Variants in NME9 observed in about 807,000 individuals in gnomAD.
The protein encoded by NME9 is thioredoxin domain-containing protein 6.
NME9 carries 48 observed loss-of-function variants against 44.4 expected under a neutral mutation model. That is an observed-to-expected ratio of 1.08 (90% CI 0.86 to 1.37). NME9 has a LOEUF of 1.37. NME9 is among the 40% of genes most tolerant of loss of function. The probability of loss-of-function intolerance (pLI) is 0.00; values close to 1 mark genes in which losing one functional copy is unlikely to be tolerated. For missense variants in NME9, 325 were observed against 405.2 expected (o/e 0.80, Z 1.70); for synonymous variants, 139 against 147.1 (o/e 0.94, Z 0.40).
rs184897801 is a variant in NME9, at chr3:138,308,853, C to A, written c.461-2373G>T. On this transcript the variant is annotated intron_variant, in intron 6 of 10. Coordinates refer to ENST00000333911, the MANE Select transcript of NME9 (RefSeq NM_001349018.2). ...ACAAAATATTTTATGGTTAAGCTTC[C>A]CAGAGTCTTTCCAATTTATCTAGCA... 2.0e-5 allele frequency among the ~76,000 whole-genome samples: 3 copies of A among 150,952 alleles called. No individual in the cohort carries two copies. In the East Asian group the frequency reaches 5.8e-4, roughly 29 times the overall value.
intron 5 of NME9, 78 bp from the exon 6 acceptor site, chr3:138,314,485 C>A: frequency 2.4e-6 from 2 of 848,246 alleles, no homozygotes; most frequent in Non-Finnish European, 3.8e-6. Context: ...CCTGTAGAAA[C>A]TAAAAAAAGC....
rs2051853249 is a variant in NME9, at chr3:138,301,626, G to A, written c.*14C>T. On this transcript the variant is annotated 3_prime_UTR_variant, in exon 11 of 11. Transcript: ENST00000333911. The stretch of plus-strand genomic sequence containing the variant: ...ACCCCTGGTCACGTGCTCTGGAAGA[G>A]CAGCACAGCCATCTCAATCCACATC... 2.0e-6 allele frequency: 3 copies of A among 1,535,960 alleles called. No homozygotes were observed. Among genetic ancestry groups the A allele is most frequent in the Non-Finnish European group, 2.6e-6 (3 of 1,146,846 alleles).
At chr3:138,296,194 C>T (rs989400260), downstream of NME9, 6 of 303,258 alleles carry the variant, frequency 2.0e-5, no homozygotes, top group Non-Finnish European at 3.7e-5. Flanking sequence ...GCTGCAGCCA[C>T]TTTGTGAGTG....
At chr3:138,267,970 C>T (rs560968482) in intron 8 of NME9, among the ~76,000 whole-genome samples, 4 of 152,064 alleles carry the variant, frequency 2.6e-5, no homozygotes, top group South Asian at 4.2e-4. Context: ...TGGCCAGGCA[C>T]GGTGGTTCAT....
intron 2 of NME9, among the ~76,000 whole-genome samples, chr3:138,319,881 TA>T (rs1223011698): frequency 6.6e-6 from 1 of 152,222 alleles, no homozygotes; most frequent in Non-Finnish European, 1.5e-5. Context: ...GGGTTAGGCC[TA>T]ACACAGGGTG....
intron 8 of NME9, among the ~76,000 whole-genome samples, chr3:138,280,497 C>CT (rs1039909334): frequency 0.022 from 2,349 of 107,084 alleles, 53 homozygotes; most frequent in African/African-American, 0.05. Flanking sequence ...TCTTTTTTTT[C>CT]TTTTTTTTTT....
In NME9 at chr3:138,301,544, A is replaced by C. The variant is rs1451234519; in HGVS notation, c.*96T>G. 2 of 1,496,090 alleles carry C rather than the reference A, an allele frequency of 1.3e-6. No homozygotes were observed. Among genetic ancestry groups the C allele is most frequent in the Non-Finnish European group, 1.8e-6 (2 of 1,126,686 alleles). The allele number at this position is 1,496,090 out of a possible 1,614,324, so 92.7% of individuals were successfully genotyped here. A position where few individuals can be genotyped will look rare whatever the true frequency, so the allele number is the denominator to read the frequency against. ...GTCTACAAAAGACAGCTAAACCAAA[A>C]AGTATTGGTACTCAAAAGAGTAAGT... On this transcript the variant is annotated 3_prime_UTR_variant, in exon 11 of 11. Coordinates refer to ENST00000333911, the MANE Select transcript of NME9 (RefSeq NM_001349018.2).
chr3:138,300,934 G>T, downstream of NME9: 1 of 366,230 alleles, frequency 2.7e-6, no homozygotes, highest in Non-Finnish European at 3.8e-6. Flanking sequence ...GTGCCTGGAA[G>T]TGTCATAGTC....
At chr3:138,265,663 G>A (rs2048207331) in intron 8 of NME9, among the ~76,000 whole-genome samples, 1 of 152,212 alleles carries the variant, frequency 6.6e-6, no homozygotes, top group Non-Finnish European at 1.5e-5. Flanking sequence ...AGAATAGCAT[G>A]AGGAGAAACA....
chr3:138,289,025 T>G, intron 8 of NME9: 1 of 1,600,258 alleles, frequency 6.2e-7, no homozygotes, highest in African/African-American at 1.3e-5. Context: ...TTTTGATTTT[T>G]TTTTCTTTTT....
intron 8 of NME9, among the ~76,000 whole-genome samples, chr3:138,283,027 A>G (rs1453547221): frequency 2.0e-5 from 3 of 152,236 alleles, no homozygotes; most frequent in Non-Finnish European, 4.4e-5. Context: ...TCTTGGGCAC[A>G]TAAAGCCCTC....
chr3:138,265,399 C>T (rs1197187210), intron 8 of NME9, among the ~76,000 whole-genome samples: 2 of 152,058 alleles, frequency 1.3e-5, no homozygotes. Flanking sequence ...TGATCATATA[C>T]CTTGCATTTA....
intron 8 of NME9, chr3:138,289,086 T>G: frequency 6.2e-7 from 1 of 1,613,564 alleles, no homozygotes; most frequent in Non-Finnish European, 8.5e-7. Flanking sequence ...CAGCCATGTT[T>G]TGTATATCAA....
At chr3:138,286,285 GCCT>G (rs2050404717) in intron 8 of NME9, among the ~76,000 whole-genome samples, 1 of 152,042 alleles carries the variant, frequency 6.6e-6, no homozygotes. Flanking sequence ...TGTACATACG[GCCT>G]CCTCCTCTGC....
Position 138,301,195 on chromosome 3 carries a change from C to G in NME9, c.*445G>C. The G allele has an allele frequency of 1.2e-6, 1 of 817,908 alleles. No homozygotes were observed. Among genetic ancestry groups the G allele is most frequent in the Non-Finnish European group, 1.5e-6 (1 of 677,732 alleles). 50.7% of individuals were successfully genotyped at this position (817,908 alleles called of 1,614,324 possible). ...CAGAAAAGTATATACTATTCTCTTT[C>G]TTTACTTTTTTTTTTATTATTATTA... On this transcript the variant is annotated 3_prime_UTR_variant, in exon 11 of 11. Transcript: ENST00000333911.
At chr3:138,326,777 C>G (rs1013078311) in intron 1 of NME9, among the ~76,000 whole-genome samples, 3 of 151,866 alleles carry the variant, frequency 2.0e-5, no homozygotes, top group Non-Finnish European at 4.4e-5. Flanking sequence ...CTGTGTCCCT[C>G]TAAAAAAGAT....
chr3:138,272,416 T>G (rs180860249), intron 8 of NME9, among the ~76,000 whole-genome samples: 1 of 152,326 alleles, frequency 6.6e-6, no homozygotes, highest in East Asian at 1.9e-4. Flanking sequence ...CTTAAGACAT[T>G]CAAATGTCTG....
At position 138,318,339 on chromosome 3, in the gene NME9, C is replaced by A. The variant is rs1028875584; in HGVS notation, c.196-120G>T. 8.4e-6 allele frequency: 6 copies of A among 711,028 alleles called. No individual in the cohort carries two copies. In the Admixed American group the frequency reaches 1.0e-4, roughly 12 times the overall value. 44.0% of individuals were successfully genotyped at this position (711,028 alleles called of 1,614,324 possible). On this transcript the variant is annotated intron_variant, in intron 3 of 10. Coordinates refer to ENST00000333911, the MANE Select transcript of NME9 (RefSeq NM_001349018.2). ...GGACTGACTTCCCCAGGTAGAGCCC[C>A]GATTTGCTCTCATGCTGTTCCTGCT... is the stretch of plus-strand genomic sequence containing the variant.
chr3:138,322,205 C>T (rs981011130), intron 2 of NME9, among the ~76,000 whole-genome samples: 3 of 152,024 alleles, frequency 2.0e-5, no homozygotes, highest in Non-Finnish European at 2.9e-5. Context: ...AGGTTTAAAT[C>T]CCAAAGGAAA....
Sources: gnomAD v4.1 joint callset for allele counts (sites outside exome capture counted in the v4.1 genomes callset) on GRCh38, gnomAD v4.1.1 for gene constraint, MANE v1.5 for transcripts, NCBI Gene and HGNC (gene_info 2026-07-23, HGNC 2026-07-21) for gene names.